The following FERMT2 variants were observed in gnomAD, a reference collection of about 807,000 sequenced individuals.
FERMT2 encodes FERM domain containing kindlin 2.
In FERMT2, 15 loss-of-function variants were observed where a neutral mutation model predicts 82.7. The observed-to-expected ratio is 0.18, with a 90% CI of 0.12 to 0.28. The LOEUF is 0.28. Ranked by LOEUF, FERMT2 falls within the 10% of genes least tolerant of loss-of-function variation. The probability of loss-of-function intolerance (pLI) is 1.00; values close to 1 mark genes in which losing one functional copy is unlikely to be tolerated. For missense variants in FERMT2, 645 were observed against 809.4 expected (o/e 0.80, Z 2.46); for synonymous variants, 274 against 271.5 (o/e 1.01, Z -0.09).
In FERMT2 at chr14:52,925,331, C is replaced by A. The variant is rs542085468; in HGVS notation, c.158-5975G>T. On this transcript the variant is annotated intron_variant, in intron 2 of 14. Coordinates refer to ENST00000341590, the MANE Select transcript of FERMT2 (RefSeq NM_006832.3). ...TGTTGGGAGGCCAAGGTGGGCAAAT[C>A]ACTTGAGGTCAGAAGTTGGAGTTTG... 3.3e-5 allele frequency among the ~76,000 whole-genome samples: 5 copies of A among 152,198 alleles called. No homozygotes were observed. In the South Asian group the frequency reaches 8.3e-4, roughly 25 times the overall value.
In FERMT2 at chr14:52,871,187, C is replaced by T. The variant is rs117784289; in HGVS notation, c.1273+1612G>A. ...TGTCTCTAACCCCTTAGCTCTATTCCGAATTTAAGTCTCCCATGAATGCAC... is the reference window on the plus strand; with the variant it reads ...TGTCTCTAACCCCTTAGCTCTATTCTGAATTTAAGTCTCCCATGAATGCAC... On this transcript the variant is annotated intron_variant, in intron 10 of 14. Transcript: ENST00000341590. Among the ~76,000 whole-genome samples, 1,324 of 152,250 alleles carry T rather than the reference C, an allele frequency of 8.7e-3. 4 individuals carry two copies. Among genetic ancestry groups the T allele is most frequent in the Non-Finnish European group, 0.013 (904 of 68,022 alleles).
intron 3 of FERMT2, among the ~76,000 whole-genome samples, chr14:52,903,552 T>G (rs1325474182): frequency 4.3e-5 from 6 of 140,654 alleles, no homozygotes; most frequent in South Asian, 4.6e-4. Context: ...GAAAAGAAAA[T>G]AAATAAAAGA....
intron 2 of FERMT2, among the ~76,000 whole-genome samples, chr14:52,941,428 T>C (rs1890086398): frequency 6.6e-6 from 1 of 152,162 alleles, no homozygotes; most frequent in African/African-American, 2.4e-5. Flanking sequence ...CAGACCTCAA[T>C]GAGCCTGACA....
chr14:52,860,170 T>A, intron 13 of FERMT2, 171 bp downstream of exon 13: 1 of 569,192 alleles, frequency 1.8e-6, no homozygotes, highest in Non-Finnish European at 2.9e-6. Flanking sequence ...GAATTTTTAA[T>A]GTAGAAATTA....
At position 52,949,880 on chromosome 14, in the gene FERMT2, T is replaced by C. The variant is rs142900477; in HGVS notation, c.157+532A>G. Reference sequence around the variant, plus strand: ...AGCACTGCCCCACCCCTAGTAAGAGTGGATGACTGGAACATTTTAATGCAC... The same window carrying C: ...AGCACTGCCCCACCCCTAGTAAGAGCGGATGACTGGAACATTTTAATGCAC... On this transcript the variant is annotated intron_variant, in intron 2 of 14. Coordinates refer to ENST00000341590, the MANE Select transcript of FERMT2 (RefSeq NM_006832.3). Among the ~76,000 whole-genome samples the C allele has an allele frequency of 5.9e-5, 9 of 151,698 alleles. No individual in the cohort carries two copies. In the South Asian group the frequency reaches 1.0e-3, roughly 18 times the overall value.
intron 4 of FERMT2, among the ~76,000 whole-genome samples, chr14:52,892,171 T>TTG (rs1369336357): frequency 0.042 from 648 of 15,442 alleles, 3 homozygotes; most frequent in East Asian, 0.33. Context: ...TTTTTGTTTT[T>TTG]TTTTTTTTTT....
chr14:52,858,332 T>G lies in FERMT2; in HGVS notation c.*45A>C, dbSNP rs747323396. The G allele has an allele frequency of 2.7e-5, 42 of 1,527,388 alleles. No individual in the cohort carries two copies. Among genetic ancestry groups the G allele is most frequent in the Non-Finnish European group, 3.1e-5 (34 of 1,105,530 alleles). The allele number at this position is 1,527,388 out of a possible 1,614,324, so 94.6% of individuals were successfully genotyped here. On this transcript the variant is annotated 3_prime_UTR_variant, in exon 15 of 15. Coordinates refer to ENST00000341590, the MANE Select transcript of FERMT2 (RefSeq NM_006832.3). ...GCATATAACAAACAGCTTTTAAAGTTAAATATTGTTATGGCCGTGGAGTTT... is the reference window on the plus strand; with the variant it reads ...GCATATAACAAACAGCTTTTAAAGTGAAATATTGTTATGGCCGTGGAGTTT...
intron 2 of FERMT2, among the ~76,000 whole-genome samples, chr14:52,938,630 G>A (rs1003269937): frequency 4.6e-5 from 7 of 152,010 alleles, no homozygotes; most frequent in Non-Finnish European, 7.4e-5. Flanking sequence ...ACAGTGGTGC[G>A]ATCTCGGCTC....
At position 52,935,824 on chromosome 14, in the gene FERMT2, C is replaced by G. The variant is rs1031726026; in HGVS notation, c.157+14588G>C. ...AGAGATCAACTAAGTTTACAAATAGCCTTTTGAAGTTACGAATCTGAGATA... is the reference window on the plus strand; with the variant it reads ...AGAGATCAACTAAGTTTACAAATAGGCTTTTGAAGTTACGAATCTGAGATA... On this transcript the variant is annotated intron_variant, in intron 2 of 14. Transcript: ENST00000341590. Among the ~76,000 whole-genome samples, 9 of 152,270 alleles carry G rather than the reference C, an allele frequency of 5.9e-5. No homozygotes were observed. In the South Asian group the frequency reaches 1.9e-3, roughly 32 times the overall value.
chr14:52,939,192 T>TAAAA (rs34395615), intron 2 of FERMT2, among the ~76,000 whole-genome samples: 12 of 86,028 alleles, frequency 1.4e-4, no homozygotes, highest in Middle Eastern at 0.013. Flanking sequence ...CCATCTCTAC[T>TAAAA]AAAAAAAAAA....
At chr14:52,873,882 C>T (rs993449897) in intron 9 of FERMT2, among the ~76,000 whole-genome samples, 3 of 151,650 alleles carry the variant, frequency 2.0e-5, no homozygotes, top group South Asian at 2.1e-4. Context: ...AACTGAGGCC[C>T]GGAGGGGCTG....
intron 4 of FERMT2, among the ~76,000 whole-genome samples, chr14:52,885,270 A>T (rs1328828636): frequency 5.4e-5 from 7 of 129,046 alleles, no homozygotes; most frequent in African/African-American, 2.0e-4. Context: ...CCAAGATCAC[A>T]CCACTACACT....
At chr14:52,866,187 G>A (rs756659662) in intron 10 of FERMT2, among the ~76,000 whole-genome samples, 5 of 152,158 alleles carry the variant, frequency 3.3e-5, no homozygotes, top group African/African-American at 4.8e-5. Context: ...CACTAGTGTA[G>A]GCTCAGAGGC....
intron 2 of FERMT2, among the ~76,000 whole-genome samples, chr14:52,923,480 T>C (rs1009740762): frequency 1.3e-5 from 2 of 151,942 alleles, no homozygotes; most frequent in African/African-American, 2.4e-5. Context: ...ACTTAGATAA[T>C]GGTACAATAA....
chr14:52,864,705 C>A (rs944691171), intron 11 of FERMT2, 42 bp downstream of exon 11: 4 of 1,576,208 alleles, frequency 2.5e-6, no homozygotes, highest in African/African-American at 2.7e-5. Flanking sequence ...CTGGTCAACT[C>A]ATTTAAGAAA....
At chr14:52,887,423 G>C (rs1886677912) in intron 4 of FERMT2, among the ~76,000 whole-genome samples, 1 of 151,920 alleles carries the variant, frequency 6.6e-6, no homozygotes, top group Admixed American at 6.6e-5. Flanking sequence ...GGAGGGAGGA[G>C]GATCACTTGA....
intron 3 of FERMT2, among the ~76,000 whole-genome samples, chr14:52,901,108 A>C (rs1887607463): frequency 4.5e-5 from 2 of 44,916 alleles, no homozygotes; most frequent in African/African-American, 8.5e-5. Context: ...AAAAATACAA[A>C]AAAAAAAAAA....
At chr14:52,885,559 G>A (rs1490987033) in intron 4 of FERMT2, among the ~76,000 whole-genome samples, 1 of 151,978 alleles carries the variant, frequency 6.6e-6, no homozygotes, top group Non-Finnish European at 1.5e-5. Context: ...AGCAGATTTA[G>A]CAACAAAATA....
intron 3 of FERMT2, among the ~76,000 whole-genome samples, chr14:52,894,203 T>C (rs1433714179): frequency 6.6e-6 from 1 of 152,182 alleles, no homozygotes; most frequent in Non-Finnish European, 1.5e-5. Context: ...TATTTTCATT[T>C]GAGGAGTCTG....
Sources: allele counts gnomAD v4.1 joint callset (sites outside exome capture counted in the v4.1 genomes callset), GRCh38; gene constraint gnomAD v4.1.1; transcripts MANE v1.5; gene names NCBI Gene and HGNC (gene_info 2026-07-23, HGNC 2026-07-21).